Variants in GIN1 observed in about 807,000 individuals in gnomAD.
GIN1 encodes the protein gypsy retrotransposon integrase-like protein 1.
A neutral mutation model predicts 51.4 loss-of-function variants in GIN1; 41 were observed. The observed-to-expected ratio is 0.80, with a 90% CI of 0.62 to 1.04. GIN1 has a LOEUF of 1.04. Among genes scored for constraint, GIN1 ranks in the 50% least tolerant of loss-of-function variants. The pLI is 0.00. For synonymous variants in GIN1, 222 were observed against 206.5 expected (o/e 1.07, Z -0.64); for missense variants, 610 against 612.4 (o/e 1.00, Z 0.04).
At chr5:103,115,090 G>C (rs1787995563) in intron 1 of GIN1, among the ~76,000 whole-genome samples, 1 of 152,122 alleles carries the variant, frequency 6.6e-6, no homozygotes, top group Non-Finnish European at 1.5e-5. Flanking sequence ...ACAGATATAA[G>C]GTTCATTCAT....
chr5:103,107,958 T>C (rs1345212893), intron 2 of GIN1, among the ~76,000 whole-genome samples: 1 of 152,078 alleles, frequency 6.6e-6, no homozygotes, highest in African/African-American at 2.4e-5. Context: ...GGTGACTACT[T>C]GTTGTTTATC....
chr5:103,089,441 T>C (rs1787174334), intron 7 of GIN1, among the ~76,000 whole-genome samples: 1 of 116,140 alleles, frequency 8.6e-6, no homozygotes, highest in South Asian at 2.2e-4. Context: ...TTATTTTTCA[T>C]TCATTCATTC....
intron 4 of GIN1, among the ~76,000 whole-genome samples, chr5:103,103,177 G>A (rs2151469830): frequency 6.6e-6 from 1 of 152,264 alleles, no homozygotes; most frequent in East Asian, 1.9e-4. Context: ...TACATGCCAG[G>A]TAGAAGGTGC....
intron 4 of GIN1, among the ~76,000 whole-genome samples, chr5:103,104,035 C>T (rs1331050274): frequency 2.0e-5 from 3 of 152,068 alleles, no homozygotes; most frequent in African/African-American, 7.2e-5. Flanking sequence ...CTCACTGCAA[C>T]CTCTACCTCC....
chr5:103,106,604 G>T, intron 3 of GIN1, 112 bp downstream of exon 3: 1 of 621,528 alleles, frequency 1.6e-6, no homozygotes, highest in Non-Finnish European at 2.7e-6. Flanking sequence ...TTAAGTGATT[G>T]CCAAAAATAC....
intron 4 of GIN1, among the ~76,000 whole-genome samples, chr5:103,098,402 G>A (rs1787469108): frequency 6.6e-6 from 1 of 152,158 alleles, no homozygotes; most frequent in Non-Finnish European, 1.5e-5. Flanking sequence ...GAGATTAAGT[G>A]CCTTGCCAAA....
chr5:103,097,570 A>T lies in GIN1; in HGVS notation c.831+20T>A. ...AAATAGTCATAACTCAGAAGTACAG[A>T]ATTATAAAAAGGCACATACCAAGTG... On this transcript the variant is annotated intron_variant, in intron 5 of 7. Coordinates refer to ENST00000399004, the MANE Select transcript of GIN1 (RefSeq NM_017676.2). The T allele has an allele frequency of 6.5e-7, 1 of 1,549,246 alleles. No homozygotes were observed. Among genetic ancestry groups the T allele is most frequent in the Non-Finnish European group, 8.9e-7 (1 of 1,122,766 alleles).
At chr5:103,088,468 G>C (rs1554194187) in intron 7 of GIN1, among the ~76,000 whole-genome samples, 1 of 151,860 alleles carries the variant, frequency 6.6e-6, no homozygotes, top group Non-Finnish European at 1.5e-5. Context: ...CAACGGGATA[G>C]AAGGAGTGAG....
At chr5:103,088,802 A>C (rs1421191901) in intron 7 of GIN1, among the ~76,000 whole-genome samples, 1 of 152,162 alleles carries the variant, frequency 6.6e-6, no homozygotes, top group Non-Finnish European at 1.5e-5. Context: ...TTAAAAAAAA[A>C]ATTATAAAAC....
At chr5:103,099,393 A>C (rs1279460779) in intron 4 of GIN1, among the ~76,000 whole-genome samples, 1 of 151,932 alleles carries the variant, frequency 6.6e-6, no homozygotes, top group African/African-American at 2.4e-5. Flanking sequence ...ATATATTAAT[A>C]TATTGAGATA....
chr5:103,096,564 T>C lies in GIN1; in HGVS notation c.1271A>G (p.Tyr424Cys), dbSNP rs1554195070. The C allele has an allele frequency of 1.9e-6, 3 of 1,612,460 alleles. No homozygotes were observed. The highest frequency in any genetic ancestry group is 2.2e-5 in the South Asian group (2 of 90,940). The change falls in exon 7 of 8, where the codon TAC becomes TGC. Residue 424 changes from tyrosine (Y) to cysteine (C), a missense_variant. Physicochemically the swap from Tyr to Cys is radical, Grantham distance 194 (BLOSUM62 -2). Transcript: ENST00000399004. Reference sequence around the variant, plus strand: ...ACCTTGTTCACTGGATTCTCTTATGTAGGGCTTAAGGTGGGACATTTTGAT... The same window carrying C: ...ACCTTGTTCACTGGATTCTCTTATGCAGGGCTTAAGGTGGGACATTTTGAT... ...RPIKMSHLKP[Y>C]IRESSEQESL... is the part of the protein sequence containing the mutation.
chr5:103,091,578 A>C (rs1787238554), intron 7 of GIN1, among the ~76,000 whole-genome samples: 3 of 152,256 alleles, frequency 2.0e-5, no homozygotes, highest in South Asian at 4.1e-4. Flanking sequence ...GGTTTTGACA[A>C]GACTGAATAA....
At position 103,097,756 on chromosome 5, in the gene GIN1, A is replaced by T; in HGVS notation, c.665T>A (p.Phe222Tyr). Residue 222 changes from phenylalanine (F) to tyrosine (Y), a missense_variant, in exon 5 of 8, where the codon TTT becomes TAT. Phe to Tyr is a conservative substitution (Grantham distance 22, BLOSUM62 3). Transcript: ENST00000399004. ...QQINIELYRL[F>Y]GIKQIVISHT... ...AGAAATTACAATTTGCTTTATGCCA[A>T]ACAATCTGTACAGTTCAATATTGAT... is the stretch of plus-strand genomic sequence containing the variant. 6.4e-7 allele frequency: 1 copy of T among 1,558,280 alleles called. No individual in the cohort carries two copies. The highest frequency in any genetic ancestry group is 8.9e-7 in the Non-Finnish European group (1 of 1,128,910).
chr5:103,099,720 A>G (rs1402180629), intron 4 of GIN1, among the ~76,000 whole-genome samples: 2 of 152,178 alleles, frequency 1.3e-5, no homozygotes, highest in Non-Finnish European at 2.9e-5. Context: ...GTTTTCTGTA[A>G]GACATTTAAA....
intron 1 of GIN1, among the ~76,000 whole-genome samples, chr5:103,109,480 A>G (rs543483180): frequency 6.6e-6 from 1 of 152,226 alleles, no homozygotes; most frequent in East Asian, 1.9e-4. Context: ...CAGCTTACCA[A>G]TTCACTTTCC....
intron 4 of GIN1, among the ~76,000 whole-genome samples, chr5:103,101,050 T>C (rs1365911113): frequency 2.0e-5 from 3 of 152,168 alleles, no homozygotes; most frequent in East Asian, 1.9e-4. Flanking sequence ...TACATACCTA[T>C]GATAGAGATT....
chr5:103,099,811 C>A (rs1787518398), intron 4 of GIN1, among the ~76,000 whole-genome samples: 1 of 152,168 alleles, frequency 6.6e-6, no homozygotes, highest in Non-Finnish European at 1.5e-5. Flanking sequence ...TTTATTGGAA[C>A]AATTTAGCAA....
rs542549105 is a variant in GIN1 at position 103,097,170 on chromosome 5, A to G, written c.1008+144T>C. Reference sequence around the variant, plus strand: ...CTAGTAAACCAACTATTTAATCAAGACAAGAAAAATCTGATAGATAAAAAA... The same window carrying G: ...CTAGTAAACCAACTATTTAATCAAGGCAAGAAAAATCTGATAGATAAAAAA... On this transcript the variant is annotated intron_variant, in intron 6 of 7. Coordinates refer to ENST00000399004, the MANE Select transcript of GIN1 (RefSeq NM_017676.2). The G allele has an allele frequency of 4.3e-5, 27 of 624,518 alleles. No individual in the cohort carries two copies. The Admixed American group carries it at 5.1e-4, about 12-fold the overall frequency. The allele number at this position is 624,518 out of a possible 1,614,324, so 38.7% of individuals were successfully genotyped here.
intron 1 of GIN1, 69 bp downstream of exon 1, chr5:103,119,995 T>C (rs1426760826): frequency 1.9e-5 from 3 of 153,954 alleles, no homozygotes; most frequent in South Asian, 1.8e-4. Context: ...GGTTTTGAAA[T>C]TACTGTCGGG....
Sources: gnomAD v4.1 joint callset for allele counts (sites outside exome capture counted in the v4.1 genomes callset) on GRCh38, gnomAD v4.1.1 for gene constraint, MANE v1.5 for transcripts, NCBI Gene and HGNC (gene_info 2026-07-23, HGNC 2026-07-21) for gene names.